The following CUEDC1 variants were observed in gnomAD, a reference collection of about 807,000 sequenced individuals.
The protein encoded by CUEDC1 is CUE domain-containing protein 1.
In CUEDC1, 30 loss-of-function variants were observed where a neutral mutation model predicts 43.7. The ratio of observed to expected loss-of-function variants is 0.69; its 90% CI spans 0.51 to 0.93. The LOEUF is 0.93. CUEDC1 is among the 40% of genes least tolerant of loss of function. The probability of loss-of-function intolerance (pLI) is 0.00; values close to 1 mark genes in which losing one functional copy is unlikely to be tolerated. For missense variants in CUEDC1, 486 were observed against 549.0 expected, an observed-to-expected ratio of 0.89 and a Z score of 1.15; for synonymous variants, 223 against 223.6, an observed-to-expected ratio of 1.00 and a Z score of 0.02.
At chr17:57,921,935 A>G (rs1332110990) in intron 1 of CUEDC1, among the ~76,000 whole-genome samples, 3 of 152,208 alleles carry the variant, frequency 2.0e-5, no homozygotes, top group African/African-American at 7.2e-5. Flanking sequence ...CAACATGGTG[A>G]AACCCTGTCT....
At chr17:57,931,920 C>A (rs968511359) in intron 1 of CUEDC1, among the ~76,000 whole-genome samples, 1 of 152,148 alleles carries the variant, frequency 6.6e-6, no homozygotes, top group Admixed American at 6.5e-5. Context: ...CTACACGATG[C>A]CCCCACCCTG....
At chr17:57,938,191 A>G (rs2074880180) in intron 1 of CUEDC1, among the ~76,000 whole-genome samples, 1 of 152,236 alleles carries the variant, frequency 6.6e-6, no homozygotes, top group South Asian at 2.1e-4. Flanking sequence ...TCTAGGGACC[A>G]AAGTGCCATA....
chr17:57,909,058 AC>A, intron 1 of CUEDC1, among the ~76,000 whole-genome samples: 1 of 152,124 alleles, frequency 6.6e-6, no homozygotes, highest in East Asian at 1.9e-4. Flanking sequence ...TTCTTCTAGA[AC>A]CTACTGTCCA....
intron 1 of CUEDC1, among the ~76,000 whole-genome samples, chr17:57,941,038 T>G (rs2074912510): frequency 6.6e-6 from 1 of 152,108 alleles, no homozygotes; most frequent in Non-Finnish European, 1.5e-5. Flanking sequence ...CCAACTCTAC[T>G]CCTGCCAGCC....
At chr17:57,950,725 G>A (rs1240742552) in intron 1 of CUEDC1, among the ~76,000 whole-genome samples, 6 of 151,992 alleles carry the variant, frequency 3.9e-5, no homozygotes, top group East Asian at 1.9e-4. Flanking sequence ...CGCCCGCCTC[G>A]GCCTCCCAAA....
chr17:57,895,074 T>C (rs568068296), intron 1 of CUEDC1, among the ~76,000 whole-genome samples: 1 of 152,378 alleles, frequency 6.6e-6, no homozygotes, highest in East Asian at 1.9e-4. Flanking sequence ...TGCTTCCTTA[T>C]ATGCTAGCCA....
chr17:57,897,564 T>G (rs1018863798), intron 1 of CUEDC1, among the ~76,000 whole-genome samples: 15 of 146,842 alleles, frequency 1.0e-4, no homozygotes, highest in Non-Finnish European at 1.6e-4. Flanking sequence ...CAGCTACTCG[T>G]GAGGCTGAGG....
At chr17:57,877,059 A>T (rs2074135513) in intron 3 of CUEDC1, among the ~76,000 whole-genome samples, 1 of 152,196 alleles carries the variant, frequency 6.6e-6, no homozygotes, top group African/African-American at 2.4e-5. Flanking sequence ...TGGGGAGAAC[A>T]GACCGCTTCT....
At position 57,861,697 on chromosome 17, in the gene CUEDC1, CAG is replaced by C. The variant is rs1164681908; in HGVS notation, c.*1590_*1591del. The C allele has an allele frequency of 6.6e-6, 1 of 152,366 alleles. No individual in the cohort carries two copies. Among genetic ancestry groups the C allele is most frequent in the Non-Finnish European group, 1.5e-5 (1 of 68,128 alleles). The allele number at this position is 152,366 out of a possible 1,614,324, so 9.4% of individuals were successfully genotyped here. A position where few individuals can be genotyped will look rare whatever the true frequency, so the allele number is the denominator to read the frequency against. The stretch of plus-strand genomic sequence containing the variant: ...AAAAAAATAACAAAGCAACACTCAA[CAG>C]ACATGGGGCTGGGGCTTCCCCCACA... On this transcript the variant is annotated 3_prime_UTR_variant, in exon 11 of 11. Coordinates refer to ENST00000577830, the MANE Select transcript of CUEDC1 (RefSeq NM_001271875.2).
chr17:57,893,615 C>A (rs1193124201), intron 1 of CUEDC1, among the ~76,000 whole-genome samples: 3 of 148,432 alleles, frequency 2.0e-5, no homozygotes, highest in African/African-American at 7.4e-5. Flanking sequence ...GGCAGCCACA[C>A]CTGTGCCCAC....
chr17:57,923,510 G>A (rs934480665), intron 1 of CUEDC1, among the ~76,000 whole-genome samples: 2 of 152,240 alleles, frequency 1.3e-5, no homozygotes, highest in Non-Finnish European at 2.9e-5. Context: ...CAGAAGGCAA[G>A]GGCCCTGGTC....
intron 1 of CUEDC1, among the ~76,000 whole-genome samples, chr17:57,946,060 C>T (rs1056153786): frequency 6.6e-6 from 1 of 152,024 alleles, no homozygotes; most frequent in Non-Finnish European, 1.5e-5. Context: ...CTGTATGGAT[C>T]AGGAAACTAA....
intron 1 of CUEDC1, among the ~76,000 whole-genome samples, chr17:57,928,175 T>C (rs2074766427): frequency 6.6e-6 from 1 of 152,228 alleles, no homozygotes; most frequent in African/African-American, 2.4e-5. Context: ...TTAATGTGTT[T>C]GTGTGTGCCT....
rs190334901 is a variant in CUEDC1 at position 57,935,544 on chromosome 17, A to G, written c.-316+19681T>C. Among the ~76,000 whole-genome samples, 548 of 152,268 alleles carry G rather than the reference A, an allele frequency of 3.6e-3. 2 individuals are homozygous for G. Among genetic ancestry groups the G allele is most frequent in the Non-Finnish European group, 6.0e-3 (409 of 68,016 alleles). On this transcript the variant is annotated intron_variant, in intron 1 of 10. Transcript: ENST00000577830. ...CCTGGGGCCGGGGTGAAGGGGGTCC[A>G]GGAGTGACATTTCCTCATAGCCAGG...
intron 1 of CUEDC1, among the ~76,000 whole-genome samples, chr17:57,901,404 GA>G (rs958669981): frequency 6.6e-6 from 1 of 152,160 alleles, no homozygotes; most frequent in African/African-American, 2.4e-5. Flanking sequence ...AAGGAAACCT[GA>G]AAAAATACCT....
At position 57,944,198 on chromosome 17, in the gene CUEDC1, T is replaced by TTA. The variant is rs201089332; in HGVS notation, c.-316+11025_-316+11026dup. On this transcript the variant is annotated intron_variant, in intron 1 of 10. Coordinates refer to ENST00000577830, the MANE Select transcript of CUEDC1 (RefSeq NM_001271875.2). Reference sequence around the variant, plus strand: ...ATGTTAGTTATTATTATTTATTTTTTTATATATATATATTTTTTTTTTTTT... The same window carrying TTA: ...ATGTTAGTTATTATTATTTATTTTTTTATATATATATATATTTTTTTTTTTTT... 2.0e-3 allele frequency among the ~76,000 whole-genome samples: 288 copies of TTA among 144,668 alleles called. 2 individuals carry two copies. Among genetic ancestry groups the TTA allele is most frequent in the East Asian group, 4.8e-3 (24 of 5,030 alleles). The allele number at this position is 144,668 out of a possible 152,430, so 94.9% of individuals were successfully genotyped here.
intron 1 of CUEDC1, among the ~76,000 whole-genome samples, chr17:57,952,914 T>C (rs62081793): frequency 2.6e-5 from 4 of 151,862 alleles, no homozygotes; most frequent in African/African-American, 9.7e-5. Flanking sequence ...CAAACACCTA[T>C]GCAGCAGCCC....
In CUEDC1 at chr17:57,949,564, CT is replaced by C. The variant is rs1194743025; in HGVS notation, c.-316+5660del. ...GCTCAGTAGGGGTGTCTCTGACATA[CT>C]TTTTTTTTTTTTTTTTTTTTTTTTT... On this transcript the variant is annotated intron_variant, in intron 1 of 10. Coordinates refer to ENST00000577830, the MANE Select transcript of CUEDC1 (RefSeq NM_001271875.2). Among the ~76,000 whole-genome samples, 710 of 79,918 alleles carry C rather than the reference CT, an allele frequency of 8.9e-3. 1 individual carries two copies. Among genetic ancestry groups the C allele is most frequent in the African/African-American group, 0.029 (452 of 15,486 alleles). The allele number at this position is 79,918 out of a possible 152,430, so 52.4% of individuals were successfully genotyped here. A position where few individuals can be genotyped will look rare whatever the true frequency, so the allele number is the denominator to read the frequency against.
chr17:57,888,069 A>G (rs2074316552), intron 1 of CUEDC1, among the ~76,000 whole-genome samples: 1 of 149,760 alleles, frequency 6.7e-6, no homozygotes, highest in Admixed American at 6.6e-5. Flanking sequence ...CTTGGTGCTA[A>G]TTTTTGTATT....
Sources: allele counts gnomAD v4.1 joint callset (sites outside exome capture counted in the v4.1 genomes callset), GRCh38; gene constraint gnomAD v4.1.1; transcripts MANE v1.5; gene names NCBI Gene and HGNC (gene_info 2026-07-23, HGNC 2026-07-21).